ANK2: variants seen among roughly 807,000 people sequenced by gnomAD.
ANK2 encodes ankyrin-2.
In ANK2, 83 loss-of-function variants were observed where a neutral mutation model predicts 360.5. The ratio of observed to expected loss-of-function variants is 0.23; its 90% confidence interval spans 0.19 to 0.28. ANK2 has a LOEUF of 0.28. Ranked by LOEUF, ANK2 falls within the 10% of genes least tolerant of loss-of-function variation. The pLI, the probability that ANK2 is intolerant of heterozygous loss-of-function variation, is 1.00. For synonymous variants in ANK2, 1,740 were observed against 1,759.5 expected (o/e 0.99, Z 0.28); for missense variants, 4,201 against 4,795.7 (o/e 0.88, Z 3.66).
intron 1 of ANK2, among the ~76,000 whole-genome samples, chr4:113,056,361 A>G (rs2069805002): frequency 6.6e-6 from 1 of 152,164 alleles, no homozygotes; most frequent in Non-Finnish European, 1.5e-5. Context: ...TAAAGTTTCT[A>G]AAGAGACATT....
At chr4:113,022,661 C>T (rs1359012932) in intron 2 of ANK2, among the ~76,000 whole-genome samples, 1 of 152,182 alleles carries the variant, frequency 6.6e-6, no homozygotes, top group Non-Finnish European at 1.5e-5. Flanking sequence ...AATTCACTTA[C>T]CTTGAAGAAT....
intron 2 of ANK2, among the ~76,000 whole-genome samples, chr4:112,973,644 G>A (rs2040373247): frequency 6.6e-6 from 1 of 152,180 alleles, no homozygotes; most frequent in African/African-American, 2.4e-5. Flanking sequence ...TAATAAGCAT[G>A]TTTCTTCTGC....
chr4:112,913,108 G>A (rs963111475), intron 2 of ANK2, among the ~76,000 whole-genome samples: 2 of 152,130 alleles, frequency 1.3e-5, no homozygotes, highest in African/African-American at 4.8e-5. Flanking sequence ...AGCTCCAGTG[G>A]TAGAGTACAG....
intron 1 of ANK2, among the ~76,000 whole-genome samples, chr4:113,103,779 A>G (rs985540163): frequency 6.6e-6 from 1 of 152,230 alleles, no homozygotes; most frequent in Non-Finnish European, 1.5e-5. Context: ...CATATTAAAT[A>G]TATCCATTAG....
At chr4:113,038,582 A>G (rs1318401473) in intron 2 of ANK2, among the ~76,000 whole-genome samples, 1 of 151,908 alleles carries the variant, frequency 6.6e-6, no homozygotes, top group Non-Finnish European at 1.5e-5. Context: ...CTCTTCAGCA[A>G]TGTGACCTTT....
chr4:112,791,476 CTTCTTTTT>C, the ANK2 span, among the ~76,000 whole-genome samples: 35 of 98,274 alleles, frequency 3.6e-4, no homozygotes, highest in African/African-American at 1.5e-3. Flanking sequence ...TCTTCTTCTT[CTTCTTTTT>C]TTTTTTTTTT....
chr4:113,172,768 A>G (rs553208139), intron 1 of ANK2, among the ~76,000 whole-genome samples: 2 of 152,188 alleles, frequency 1.3e-5, no homozygotes, highest in Admixed American at 1.3e-4. Flanking sequence ...TTGTTGTTTT[A>G]TAGTAAAATT....
chr4:113,047,894 A>G (rs919355407), upstream of ANK2, among the ~76,000 whole-genome samples: 4 of 152,012 alleles, frequency 2.6e-5, no homozygotes, highest in East Asian at 1.9e-4. Flanking sequence ...CCTAACAGCA[A>G]TGGGGAAATA....
chr4:112,947,942 A>T (rs1331325026), intron 2 of ANK2, among the ~76,000 whole-genome samples: 1 of 152,218 alleles, frequency 6.6e-6, no homozygotes, highest in Non-Finnish European at 1.5e-5. Context: ...GAACCTTAAG[A>T]TATTCATTAA....
At chr4:113,250,599 G>A (rs1018880960) in intron 10 of ANK2, among the ~76,000 whole-genome samples, 11 of 152,088 alleles carry the variant, frequency 7.2e-5, no homozygotes, top group African/African-American at 2.7e-4. Flanking sequence ...ACCCTACATT[G>A]GGTTATCAGA....
rs1562593857 is a variant in ANK2 at position 113,171,501 on chromosome 4, A to G, written c.85-2915A>G. Among the ~76,000 whole-genome samples the G allele has an allele frequency of 3.3e-5, 5 of 152,200 alleles. No individual in the cohort carries two copies. In the South Asian group the frequency reaches 1.0e-3, roughly 32 times the overall value. ...TTACATTCTTGGACCATTTTATGAT[A>G]ATATTTCCATTTAATGCATTTTCTC... On this transcript the variant is annotated intron_variant, in intron 1 of 45. Coordinates refer to ENST00000357077, the MANE Select transcript of ANK2 (RefSeq NM_001148.6).
At chr4:113,159,858 G>A (rs567340627) in intron 1 of ANK2, among the ~76,000 whole-genome samples, 1 of 151,734 alleles carries the variant, frequency 6.6e-6, no homozygotes, top group African/African-American at 2.4e-5. Context: ...CTGACCTCAG[G>A]TGATCTGCCT....
chr4:112,951,043 C>T (rs2094937374), intron 2 of ANK2, among the ~76,000 whole-genome samples: 1 of 132,412 alleles, frequency 7.6e-6, no homozygotes. Context: ...GATCCCGCCA[C>T]TGCACTCCAG....
intron 2 of ANK2, among the ~76,000 whole-genome samples, chr4:112,999,527 A>G (rs1398818922): frequency 6.6e-6 from 1 of 152,160 alleles, no homozygotes; most frequent in African/African-American, 2.4e-5. Flanking sequence ...AAGTGTATAT[A>G]TACTTTTGAA....
At chr4:112,871,053 G>A (rs79651796) in intron 1 of ANK2, among the ~76,000 whole-genome samples, 6,550 of 152,016 alleles carry the variant, frequency 0.043, 447 homozygotes, top group East Asian at 0.31. Flanking sequence ...ATTTGATTGC[G>A]TTTGATGCTA....
At chr4:113,229,719 A>G (rs6855296) in intron 4 of ANK2, among the ~76,000 whole-genome samples, 118,594 of 151,854 alleles carry the variant, frequency 0.78, 46,332 homozygotes, top group African/African-American at 0.8. Flanking sequence ...TGGCTCTCAG[A>G]ATTCTTTGCC....
intron 1 of ANK2, chr4:112,826,505 T>C (rs919715853): frequency 5.5e-5 from 66 of 1,205,902 alleles, no homozygotes; most frequent in Non-Finnish European, 7.3e-5. Context: ...GGACCACATC[T>C]GACAAGCCTG....
the ANK2 span, among the ~76,000 whole-genome samples, chr4:112,729,388 A>G: frequency 1.3e-5 from 2 of 152,212 alleles, no homozygotes; most frequent in Non-Finnish European, 2.9e-5. Context: ...ATGCATGCCT[A>G]TGTTCATTGC....
chr4:112,780,008 A>G, the ANK2 span, among the ~76,000 whole-genome samples: 1 of 152,086 alleles, frequency 6.6e-6, no homozygotes, highest in Non-Finnish European at 1.5e-5. Context: ...GGATCATCTG[A>G]AGTCAGGAGT....
Sources: allele counts gnomAD v4.1 joint callset (sites outside exome capture counted in the v4.1 genomes callset), GRCh38; gene constraint gnomAD v4.1.1; transcripts MANE v1.5; gene names NCBI Gene and HGNC (gene_info 2026-07-23, HGNC 2026-07-21).